Variants in QRICH1 observed in about 807,000 individuals in gnomAD.
QRICH1 encodes the protein glutamine rich 1.
In QRICH1, 16 loss-of-function variants were observed where a neutral mutation model predicts 87.1. That is an observed-to-expected ratio of 0.18 (90% confidence interval 0.12 to 0.28). The LOEUF is 0.28. Among genes scored for constraint, QRICH1 ranks in the 10% least tolerant of loss-of-function variants. QRICH1 has a pLI of 1.00. For synonymous variants in QRICH1, 367 were observed against 368.4 expected (o/e 1.00, Z 0.05); for missense variants, 647 against 951.7 (o/e 0.68, Z 4.21).
rs202017038 is a variant in QRICH1, at chr3:49,032,895, G to A, written c.1896-122C>T. The A allele has an allele frequency of 3.1e-5, 39 of 1,261,248 alleles. No individual in the cohort carries two copies. In the African/African-American group the frequency reaches 4.4e-4, roughly 14 times the overall value. 78.1% of individuals were successfully genotyped at this position (1,261,248 alleles called of 1,614,324 possible). On this transcript the variant is annotated intron_variant, in intron 7 of 9. Transcript: ENST00000395443. ...ACATTCCCAAGATCTGGGCAGGCCC[G>A]TACCCAAGCAGTGTCCAGTGCAGGA...
Position 49,076,976 on chromosome 3 carries a change from G to A in QRICH1, c.42C>T (p.Tyr14=). The A allele has an allele frequency of 6.4e-7, 1 of 1,567,686 alleles. No individual in the cohort carries two copies. Among genetic ancestry groups the A allele is most frequent in the Non-Finnish European group, 8.7e-7 (1 of 1,151,080 alleles). The part of the protein sequence containing the change: ...SLENTISFEE[Y]IRVKARSVPQ... ...GGACAGACCGTGCCTTTACTCGGAT[G>A]TACTCTTCAAAGGAGATGGTGTTCT... is the stretch of plus-strand genomic sequence containing the variant. Residue 14 remains tyrosine, a synonymous_variant, in exon 2 of 10, where the codon TAC becomes TAT. Coordinates refer to ENST00000395443, the MANE Select transcript of QRICH1 (RefSeq NM_198880.3).
chr3:49,050,106 G>T (rs1235474814), intron 3 of QRICH1, among the ~76,000 whole-genome samples: 2 of 151,692 alleles, frequency 1.3e-5, no homozygotes, highest in African/African-American at 4.8e-5. Context: ...GGAGGCCGAG[G>T]CGGGCGGATC....
chr3:49,046,663 C>T, intron 4 of QRICH1, 84 bp from the exon 5 acceptor site: 1 of 1,453,386 alleles, frequency 6.9e-7, no homozygotes, highest in Non-Finnish European at 9.3e-7. Flanking sequence ...CATCAGGGTG[C>T]TGGGATAGAA....
At chr3:49,049,585 C>G (rs1355303911) in intron 3 of QRICH1, among the ~76,000 whole-genome samples, 1 of 152,122 alleles carries the variant, frequency 6.6e-6, no homozygotes, top group Admixed American at 6.5e-5. Context: ...ACAACCTCCG[C>G]CTCCCAGGTT....
At chr3:49,048,737 G>C (rs1357337130) in intron 3 of QRICH1, among the ~76,000 whole-genome samples, 1 of 131,630 alleles carries the variant, frequency 7.6e-6, no homozygotes, top group Non-Finnish European at 1.5e-5. Flanking sequence ...GCAGTGAGCC[G>C]AGATCGCACC....
chr3:49,061,437 CAA>C (rs1391967068), intron 2 of QRICH1, among the ~76,000 whole-genome samples: 1 of 151,884 alleles, frequency 6.6e-6, no homozygotes, highest in Non-Finnish European at 1.5e-5. Flanking sequence ...TGTCAGCATG[CAA>C]AAGAGCATGA....
chr3:49,058,602 A>G (rs963101710), intron 2 of QRICH1, among the ~76,000 whole-genome samples: 2 of 152,022 alleles, frequency 1.3e-5, no homozygotes, highest in South Asian at 4.1e-4. Context: ...CTGGGATTAC[A>G]GGTGTGAGCC....
chr3:49,078,008 C>A (rs777916432), intron 1 of QRICH1, among the ~76,000 whole-genome samples: 4 of 152,168 alleles, frequency 2.6e-5, no homozygotes, highest in Non-Finnish European at 5.9e-5. Context: ...GGACTGCTGA[C>A]CCCTGTCGCT....
chr3:49,068,319 T>A (rs1162734414), intron 2 of QRICH1, among the ~76,000 whole-genome samples: 1 of 152,004 alleles, frequency 6.6e-6, no homozygotes, highest in Non-Finnish European at 1.5e-5. Context: ...ATTGTGCCAC[T>A]CTACTCTGTA....
rs866562022 is a variant in QRICH1 at position 49,032,237 on chromosome 3, G to A, written c.2084C>T (p.Pro695Leu). Residue 695 changes from proline to leucine, a missense_variant, in exon 9 of 10, where the codon CCA becomes CTA. Coordinates refer to ENST00000395443, the MANE Select transcript of QRICH1 (RefSeq NM_198880.3). ...GATGGGACATCTCAATGGATTCTCT[G>A]GATTTTCCGTCTGTTCTGCATACAT... ...DDMYAEQTENPENPLRCPIKL... is the reference protein window; with the variant it reads ...DDMYAEQTENLENPLRCPIKL... 6.2e-7 allele frequency: 1 copy of A among 1,613,952 alleles called. No homozygotes were observed. Among genetic ancestry groups the A allele is most frequent in the Non-Finnish European group, 8.5e-7 (1 of 1,179,810 alleles).
At chr3:49,061,038 T>C (rs554512531) in intron 2 of QRICH1, among the ~76,000 whole-genome samples, 1 of 146,096 alleles carries the variant, frequency 6.8e-6, no homozygotes, top group East Asian at 2.0e-4. Context: ...CCTGAGAGGC[T>C]GAGGCAGAAT....
At chr3:49,068,816 G>C (rs1039456739) in intron 2 of QRICH1, among the ~76,000 whole-genome samples, 1 of 151,650 alleles carries the variant, frequency 6.6e-6, no homozygotes, top group Non-Finnish European at 1.5e-5. Flanking sequence ...TTTTGGTAGA[G>C]ATGGGAGTTT....
At chr3:49,078,678 A>C (rs866265554) in intron 1 of QRICH1, among the ~76,000 whole-genome samples, 1 of 140,160 alleles carries the variant, frequency 7.1e-6, no homozygotes. Flanking sequence ...TACAGGCGTG[A>C]GCCACCACAC....
At chr3:49,038,441 C>A (rs188447505) in intron 6 of QRICH1, among the ~76,000 whole-genome samples, 54 of 152,048 alleles carry the variant, frequency 3.6e-4, no homozygotes, top group African/African-American at 1.3e-3. Flanking sequence ...GAGACTGAGT[C>A]TTGCACTGTT....
chr3:49,038,405 GTTGAT>G (rs1436011165), intron 6 of QRICH1, among the ~76,000 whole-genome samples: 1 of 151,448 alleles, frequency 6.6e-6, no homozygotes, highest in South Asian at 2.1e-4. Flanking sequence ...TACCTTTTTT[GTTGAT>G]TTAATTATTA....
intron 2 of QRICH1, among the ~76,000 whole-genome samples, chr3:49,061,240 T>C (rs1434104318): frequency 6.6e-6 from 1 of 151,106 alleles, no homozygotes; most frequent in Non-Finnish European, 1.5e-5. Context: ...TGTGGAAAAC[T>C]GTCTTCCACA....
At chr3:49,067,372 C>A (rs2093474621) in intron 2 of QRICH1, among the ~76,000 whole-genome samples, 1 of 151,350 alleles carries the variant, frequency 6.6e-6, no homozygotes, top group South Asian at 2.1e-4. Context: ...TCAAGACCAT[C>A]CTGGCTAACA....
At chr3:49,078,880 C>A (rs529785968) in intron 1 of QRICH1, among the ~76,000 whole-genome samples, 1 of 151,566 alleles carries the variant, frequency 6.6e-6, no homozygotes, top group South Asian at 2.1e-4. Context: ...TTAGTAGAGA[C>A]TGGGTTTTGC....
rs2093225596 is a variant in QRICH1 at position 49,030,139 on chromosome 3, G to A, written c.*313C>T. ...TTCCATCTCTCTTGAAGATGGAAAG[G>A]GGCCACATTTCTTTTCACAGTCCAA... is the stretch of plus-strand genomic sequence containing the variant. On this transcript the variant is annotated 3_prime_UTR_variant, in exon 10 of 10. Coordinates refer to ENST00000395443, the MANE Select transcript of QRICH1 (RefSeq NM_198880.3). The A allele has an allele frequency of 2.3e-6, 1 of 433,140 alleles. No individual in the cohort carries two copies. The highest frequency in any genetic ancestry group is 2.1e-5 in the African/African-American group (1 of 48,664). 26.8% of individuals were successfully genotyped at this position (433,140 alleles called of 1,614,324 possible).
Sources: allele counts gnomAD v4.1 joint callset (sites outside exome capture counted in the v4.1 genomes callset), GRCh38; gene constraint gnomAD v4.1.1; transcripts MANE v1.5; gene names NCBI Gene and HGNC (gene_info 2026-07-23, HGNC 2026-07-21).